Variants in IGF1R observed in about 807,000 individuals in gnomAD.
IGF1R encodes the protein insulin like growth factor 1 receptor, also known as insulin-like growth factor 1 receptor.
IGF1R carries 44 observed loss-of-function variants against 144.6 expected under a neutral mutation model. That is an observed-to-expected ratio of 0.30 (90% confidence interval 0.24 to 0.39). The LOEUF (loss-of-function observed/expected upper bound fraction) is 0.39, where lower values mean the gene tolerates loss of function less well. IGF1R is among the 10% of genes least tolerant of loss of function. IGF1R has a pLI of 1.00. For synonymous variants in IGF1R, 795 were observed against 722.8 expected, an observed-to-expected ratio of 1.10 and a Z score of -1.60; for missense variants, 1,355 against 1,833.7, an observed-to-expected ratio of 0.74 and a Z score of 4.77.
intron 1 of IGF1R, among the ~76,000 whole-genome samples, chr15:98,655,374 G>T (rs1197561423): frequency 6.6e-6 from 1 of 152,128 alleles, no homozygotes; most frequent in East Asian, 1.9e-4. Flanking sequence ...GAAAGTCCCA[G>T]ATACCATTTT....
chr15:98,834,557 CA>C (rs1458151636), intron 2 of IGF1R, among the ~76,000 whole-genome samples: 3 of 152,158 alleles, frequency 2.0e-5, no homozygotes, highest in Non-Finnish European at 4.4e-5. Flanking sequence ...TCTGTTGGGA[CA>C]AATCAAGCTA....
At chr15:98,838,379 C>T (rs781046475) in intron 2 of IGF1R, among the ~76,000 whole-genome samples, 15 of 152,178 alleles carry the variant, frequency 9.9e-5, no homozygotes, top group Non-Finnish European at 4.4e-5. Context: ...GCCTCTCATT[C>T]CAGGCATTAC....
intron 2 of IGF1R, among the ~76,000 whole-genome samples, chr15:98,857,183 C>A (rs1180783592): frequency 1.3e-5 from 2 of 152,146 alleles, no homozygotes; most frequent in East Asian, 3.9e-4. Context: ...AGTGACCCCA[C>A]AATTAAACTG....
chr15:98,866,112 G>A (rs1003714505), intron 2 of IGF1R, among the ~76,000 whole-genome samples: 3 of 152,162 alleles, frequency 2.0e-5, no homozygotes, highest in African/African-American at 4.8e-5. Flanking sequence ...GGATACGTGC[G>A]GGCGTTCTCA....
rs1018158265 is a variant in IGF1R at position 98,960,123 on chromosome 15, C to T, written c.*2681C>T. 2.6e-5 allele frequency: 6 copies of T among 233,538 alleles called. No homozygotes were observed. The highest frequency in any genetic ancestry group is 1.8e-4 in the South Asian group (1 of 5,536). The allele number at this position is 233,538 out of a possible 1,614,324, so 14.5% of individuals were successfully genotyped here. The stretch of plus-strand genomic sequence containing the variant: ...AAAGAATACATCTCACCTTTCTCAG[C>T]ACCTGACAATAGGCCGTTGATACTG... On this transcript the variant is annotated 3_prime_UTR_variant, in exon 21 of 21. Coordinates refer to ENST00000650285, the MANE Select transcript of IGF1R (RefSeq NM_000875.5).
At chr15:98,849,242 G>A (rs1275455081) in intron 2 of IGF1R, among the ~76,000 whole-genome samples, 2 of 152,226 alleles carry the variant, frequency 1.3e-5, no homozygotes, top group African/African-American at 4.8e-5. Flanking sequence ...GCAAGTACCT[G>A]TGGAAATTTA....
At chr15:98,807,524 T>G (rs866416689) in intron 2 of IGF1R, among the ~76,000 whole-genome samples, 1 of 152,352 alleles carries the variant, frequency 6.6e-6, no homozygotes, top group Middle Eastern at 3.4e-3. Context: ...GAATGCATTC[T>G]CTGAGATAGG....
chr15:98,664,591 G>A (rs1023718016), intron 1 of IGF1R, among the ~76,000 whole-genome samples: 1 of 150,654 alleles, frequency 6.6e-6, no homozygotes, highest in African/African-American at 2.5e-5. Context: ...CTTGAACCTG[G>A]GAGGTGGAGG....
intron 1 of IGF1R, among the ~76,000 whole-genome samples, chr15:98,675,826 C>CT (rs869068918): frequency 0.014 from 654 of 46,170 alleles, 26 homozygotes; most frequent in African/African-American, 0.025. Context: ...TTCTTTCTTT[C>CT]TTTTTTTTTT....
At position 98,682,981 on chromosome 15, in the gene IGF1R, C is replaced by T. The variant is rs74032516; in HGVS notation, c.95-24581C>T. Reference sequence around the variant, plus strand: ...TTCCCTCCCTAGAGTTGATGAACCCCTCATATCAGTGACCTCCCCATGTCA... The same window carrying T: ...TTCCCTCCCTAGAGTTGATGAACCCTTCATATCAGTGACCTCCCCATGTCA... On this transcript the variant is annotated intron_variant, in intron 1 of 20. Coordinates refer to ENST00000650285, the MANE Select transcript of IGF1R (RefSeq NM_000875.5). Among the ~76,000 whole-genome samples, 663 of 150,990 alleles carry T rather than the reference C, an allele frequency of 4.4e-3. 3 individuals carry two copies. Among genetic ancestry groups the T allele is most frequent in the African/African-American group, 0.015 (624 of 40,996 alleles).
At chr15:98,954,378 C>G (rs2016896549) in intron 20 of IGF1R, 1 of 146,076 alleles carries the variant, frequency 6.8e-6, no homozygotes, top group Non-Finnish European at 1.5e-5. Flanking sequence ...GCCAGCCTCC[C>G]CAGAACTGAC....
intron 2 of IGF1R, among the ~76,000 whole-genome samples, chr15:98,847,410 T>C (rs935454163): frequency 6.6e-6 from 1 of 152,180 alleles, no homozygotes; most frequent in African/African-American, 2.4e-5. Context: ...CAGTGTACCA[T>C]CTGGAAAGGA....
At chr15:98,667,363 G>A (rs1263263523) in intron 1 of IGF1R, among the ~76,000 whole-genome samples, 2 of 151,904 alleles carry the variant, frequency 1.3e-5, no homozygotes, top group Non-Finnish European at 2.9e-5. Flanking sequence ...TATTGTAAAT[G>A]GACTGCCTCA....
chr15:98,725,656 C>CGT, intron 2 of IGF1R, among the ~76,000 whole-genome samples: 1 of 152,198 alleles, frequency 6.6e-6, no homozygotes, highest in East Asian at 1.9e-4. Context: ...CCCCACTCCC[C>CGT]GTCTGGATTC....
At chr15:98,881,316 C>T (rs1037212487) in intron 2 of IGF1R, among the ~76,000 whole-genome samples, 8 of 151,994 alleles carry the variant, frequency 5.3e-5, no homozygotes, top group African/African-American at 1.9e-4. Flanking sequence ...TTAAAATATT[C>T]ATTCATTTAT....
chr15:98,865,200 T>C (rs1202227126), intron 2 of IGF1R, among the ~76,000 whole-genome samples: 1 of 152,232 alleles, frequency 6.6e-6, no homozygotes, highest in African/African-American at 2.4e-5. Flanking sequence ...CACAATATCA[T>C]GCACTAAGGG....
intron 2 of IGF1R, among the ~76,000 whole-genome samples, chr15:98,837,493 G>A (rs995330809): frequency 6.6e-6 from 1 of 152,062 alleles, no homozygotes; most frequent in African/African-American, 2.4e-5. Context: ...GCCTCCCAGA[G>A]TGCTGGGATT....
Position 98,934,766 on chromosome 15 carries a change from G to A in IGF1R, c.2957-58G>A. On this transcript the variant is annotated intron_variant, in intron 15 of 20. Transcript: ENST00000650285. ...TTCTTTGGCTTAGAGTTCCCCCAAAGCACGTTCTGTCTAAGGGCTTGTTTC... is the reference window on the plus strand; with the variant it reads ...TTCTTTGGCTTAGAGTTCCCCCAAAACACGTTCTGTCTAAGGGCTTGTTTC... 2.0e-6 allele frequency: 3 copies of A among 1,463,936 alleles called. No homozygotes were observed. The Admixed American group carries it at 5.1e-5, about 25-fold the overall frequency. The allele number at this position is 1,463,936 out of a possible 1,614,324, so 90.7% of individuals were successfully genotyped here.
At chr15:98,912,621 A>G (rs978582892) in intron 7 of IGF1R, among the ~76,000 whole-genome samples, 3 of 152,250 alleles carry the variant, frequency 2.0e-5, no homozygotes, top group Admixed American at 6.5e-5. Context: ...TTTATGAGCA[A>G]TCTGAATTTT....
Sources: gnomAD v4.1 joint callset for allele counts (sites outside exome capture counted in the v4.1 genomes callset) on GRCh38, gnomAD v4.1.1 for gene constraint, MANE v1.5 for transcripts, NCBI Gene and HGNC (gene_info 2026-07-23, HGNC 2026-07-21) for gene names.